PHACTR2: variants seen among roughly 807,000 people sequenced by gnomAD.
PHACTR2 encodes chromosome 6 open reading frame 56.
A neutral mutation model predicts 76.0 loss-of-function variants in PHACTR2; 30 were observed. The observed-to-expected ratio is 0.39, with a 90% confidence interval of 0.30 to 0.54. The LOEUF is 0.54. PHACTR2 is among the 20% of genes least tolerant of loss of function. The probability of loss-of-function intolerance (pLI) is 0.61; values close to 1 mark genes in which losing one functional copy is unlikely to be tolerated. For missense variants in PHACTR2, 696 were observed against 781.1 expected, an observed-to-expected ratio of 0.89 and a Z score of 1.30; for synonymous variants, 292 against 292.5, an observed-to-expected ratio of 1.00 and a Z score of 0.02.
rs1180154839 is a variant in PHACTR2, at chr6:143,761,044, AT to A, written c.694+405del. Among the ~76,000 whole-genome samples the A allele has an allele frequency of 6.6e-6, 1 of 152,206 alleles. No homozygotes were observed. The highest frequency in any genetic ancestry group is 1.5e-5 in the Non-Finnish European group (1 of 68,024). On this transcript the variant is annotated intron_variant, in intron 5 of 12. Coordinates refer to ENST00000440869, the MANE Select transcript of PHACTR2 (RefSeq NM_001100164.2). The surrounding 1 kb of genome is among the most constrained non-coding windows in gnomAD (Gnocchi z 5.2). Reference sequence around the variant, plus strand: ...CTTTCAAAATATCTAAGGTTTGCATATAAAAATGTGACAATTATAACTTTGA... The same window carrying A: ...CTTTCAAAATATCTAAGGTTTGCATAAAAAATGTGACAATTATAACTTTGA...
intron 2 of PHACTR2, among the ~76,000 whole-genome samples, chr6:143,723,428 G>A (rs146517170): frequency 1.5e-3 from 227 of 152,286 alleles, no homozygotes; most frequent in South Asian, 0.011. Context: ...AGAAGACAGC[G>A]TTCCTTCTGA....
Position 143,743,256 on chromosome 6 carries a change from G to A in PHACTR2, c.215-5729G>A, listed in dbSNP as rs1413976898. Among the ~76,000 whole-genome samples the A allele has an allele frequency of 6.6e-6, 1 of 152,210 alleles. No homozygotes were observed. Among genetic ancestry groups the A allele is most frequent in the East Asian group, 1.9e-4 (1 of 5,204 alleles). ...GGAGCTGAAGAACCGCAGATGTTTA[G>A]GAAATGGCAAGAAGTAAAGTTTGAC... On this transcript the variant is annotated intron_variant, in intron 2 of 12. Coordinates refer to ENST00000440869, the MANE Select transcript of PHACTR2 (RefSeq NM_001100164.2). This position sits in a 1 kb window ranked among gnomAD's most constrained non-coding sequence, Gnocchi z 5.0.
In PHACTR2 at chr6:143,771,144, G is replaced by GTATA. The variant is rs1185999309; in HGVS notation, c.1233-1104_1233-1101dup. 7.5e-4 allele frequency among the ~76,000 whole-genome samples: 23 copies of GTATA among 30,826 alleles called. 1 individual carries two copies. The highest frequency in any genetic ancestry group is 1.9e-3 in the African/African-American group (18 of 9,314). The allele number at this position is 30,826 out of a possible 152,430, so 20.2% of individuals were successfully genotyped here. A position where few individuals can be genotyped will look rare whatever the true frequency, so the allele number is the denominator to read the frequency against. ...ATATGTACTTTACATATATATATAT[G>GTATA]TATATATATATATGTATATATATAT... On this transcript the variant is annotated intron_variant, in intron 6 of 12. Transcript: ENST00000440869.
chr6:143,660,409 T>G (rs1776928443), intron 1 of PHACTR2, among the ~76,000 whole-genome samples: 2 of 152,180 alleles, frequency 1.3e-5, no homozygotes, highest in African/African-American at 4.8e-5. Context: ...ATCAGATCCA[T>G]GAGACATATT....
intron 1 of PHACTR2, among the ~76,000 whole-genome samples, chr6:143,609,084 T>A (rs754294367): frequency 2.2e-4 from 34 of 152,200 alleles, no homozygotes; most frequent in Admixed American, 1.3e-4. Context: ...ATTATCTGTC[T>A]CCTGAAGCTC....
In PHACTR2 at chr6:143,639,390, C is replaced by A. The variant is rs999221876; in HGVS notation, c.13+31068C>A. ...AAGGCTATCATTGCTCAAAACATTT[C>A]AAAAATTACTAAGTGAAAGCATATT... On this transcript the variant is annotated intron_variant, in intron 1 of 11. Transcript: ENST00000305766. This position sits in a 1 kb window ranked among gnomAD's most constrained non-coding sequence, Gnocchi z 5.0. Among the ~76,000 whole-genome samples, 1 of 152,118 alleles carries A rather than the reference C, an allele frequency of 6.6e-6. No homozygotes were observed.
Position 143,787,637 on chromosome 6 carries a change from G to C in PHACTR2, c.1708-1136G>C, listed in dbSNP as rs556155504. On this transcript the variant is annotated intron_variant, in intron 10 of 12. Coordinates refer to ENST00000440869, the MANE Select transcript of PHACTR2 (RefSeq NM_001100164.2). This position sits in a 1 kb window ranked among gnomAD's most constrained non-coding sequence, Gnocchi z 4.6. ...CAAAATAAGGAATATCTCTGGACAG[G>C]TGTTGTGGCTTATGCCTGTAACCCC... 2.0e-5 allele frequency among the ~76,000 whole-genome samples: 3 copies of C among 152,308 alleles called. No homozygotes were observed. Among genetic ancestry groups the C allele is most frequent in the Non-Finnish European group, 2.9e-5 (2 of 68,032 alleles).
At chr6:143,544,542 T>C (rs1029707218) in intron 1 of PHACTR2, among the ~76,000 whole-genome samples, 4 of 152,192 alleles carry the variant, frequency 2.6e-5, no homozygotes, top group African/African-American at 7.2e-5. Context: ...CAGTAACACA[T>C]AGCTCATAGG....
chr6:143,658,052 G>T lies in PHACTR2; in HGVS notation c.13+49730G>T, dbSNP rs3924970. 0.043 allele frequency among the ~76,000 whole-genome samples: 6,472 copies of T among 152,258 alleles called. 177 individuals are homozygous for T. Among genetic ancestry groups the T allele is most frequent in the Middle Eastern group, 0.082 (24 of 294 alleles). On this transcript the variant is annotated intron_variant, in intron 1 of 11. Coordinates refer to the PHACTR2 transcript ENST00000305766. The surrounding 1 kb of genome is among the most constrained non-coding windows in gnomAD (Gnocchi z 4.1). ...TTTACCCACTCTTCTGTTGAGGGAC[G>T]TTTGGCCTGTCCAGTTTGGGGCTAT... is the stretch of plus-strand genomic sequence containing the variant.
rs1168779696 is a variant in PHACTR2 at position 143,597,714 on chromosome 6, T to C, written c.217+60507T>C. Among the ~76,000 whole-genome samples the C allele has an allele frequency of 6.6e-6, 1 of 152,244 alleles. No homozygotes were observed. Among genetic ancestry groups the C allele is most frequent in the Non-Finnish European group, 1.5e-5 (1 of 68,040 alleles). On this transcript the variant is annotated intron_variant, in intron 1 of 11. Transcript: ENST00000367584. This position sits in a 1 kb window ranked among gnomAD's most constrained non-coding sequence, Gnocchi z 5.7. ...CTTTATTCAGCATTGACCTAAACAC[T>C]TCTTCCTTTAAGCCACTGAACATGC...
chr6:143,566,436 G>A (rs546929495), intron 1 of PHACTR2, among the ~76,000 whole-genome samples: 47 of 152,138 alleles, frequency 3.1e-4, no homozygotes, highest in Admixed American at 5.9e-4. Flanking sequence ...TGGGACTACA[G>A]GCACATGCCA....
Position 143,788,846 on chromosome 6 carries a change from C to T in PHACTR2, c.1781C>T (p.Thr594Met), listed in dbSNP as rs190212593. Residue 594 changes from threonine to methionine, a missense_variant, in exon 11 of 13, where the codon ACG becomes ATG. Thr to Met is a moderately conservative substitution (Grantham distance 81). This residue lies in a region of PHACTR2 where 236 missense variants were observed against 330.2 expected (regional missense o/e 0.71). Coordinates refer to ENST00000440869, the MANE Select transcript of PHACTR2 (RefSeq NM_001100164.2). ...CGATTTAACGAGTATGTAGAAGTCA[C>T]GGATTCTCCTGACTATGACCGCCGA... The part of the protein sequence containing the change: ...ILRFNEYVEV[T>M]DSPDYDRRAD... The T allele has an allele frequency of 1.1e-5, 17 of 1,613,520 alleles. No homozygotes were observed. Among genetic ancestry groups the T allele is most frequent in the Admixed American group, 1.0e-4 (6 of 60,014 alleles).
At chr6:143,714,413 T>G (rs748193670) in intron 2 of PHACTR2, among the ~76,000 whole-genome samples, 22 of 152,352 alleles carry the variant, frequency 1.4e-4, no homozygotes, top group Non-Finnish European at 2.9e-4. Context: ...AGATAGGATG[T>G]AACACTAATT....
intron 1 of PHACTR2, among the ~76,000 whole-genome samples, chr6:143,542,390 C>T (rs1330490561): frequency 6.6e-6 from 1 of 152,174 alleles, no homozygotes; most frequent in African/African-American, 2.4e-5. Flanking sequence ...GAGCTTGGCA[C>T]ATTTGAAAAA....
At chr6:143,600,688 T>A (rs1775804756) in intron 1 of PHACTR2, among the ~76,000 whole-genome samples, 1 of 152,260 alleles carries the variant, frequency 6.6e-6, no homozygotes, top group African/African-American at 2.4e-5. Context: ...TCTACCATGT[T>A]TATTTTCATA....
rs897354593 is a variant in PHACTR2, at chr6:143,599,177, A to G, written c.217+61970A>G. Among the ~76,000 whole-genome samples, 4 of 152,202 alleles carry G rather than the reference A, an allele frequency of 2.6e-5. No individual in the cohort carries two copies. The highest frequency in any genetic ancestry group is 7.2e-5 in the African/African-American group (3 of 41,456). On this transcript the variant is annotated intron_variant, in intron 1 of 11. Coordinates refer to the PHACTR2 transcript ENST00000367584. The surrounding 1 kb of genome is among the most constrained non-coding windows in gnomAD (Gnocchi z 4.6). ...TCCTGGATAAGGAGACAAAAGCAGA[A>G]TGGTGAAAAAGAATCATTCTCTCAA...
At chr6:143,729,171 C>A (rs993345840) in intron 2 of PHACTR2, among the ~76,000 whole-genome samples, 1 of 151,922 alleles carries the variant, frequency 6.6e-6, no homozygotes, top group Non-Finnish European at 1.5e-5. Context: ...AGGTCTTTTG[C>A]CTGTTTTTTA....
Position 143,772,396 on chromosome 6 carries a change from C to A in PHACTR2, c.1371C>A (p.Asp457Glu). Residue 457 changes from aspartate (D) to glutamate (E), a missense_variant, in exon 7 of 13, where the codon GAC (aspartate) becomes GAA (glutamate). Physicochemically the swap from Asp to Glu is conservative, Grantham distance 45 (BLOSUM62 2). This residue lies in a region of PHACTR2 where 236 missense variants were observed against 330.2 expected (regional missense o/e 0.71). Transcript: ENST00000440869. The surrounding 1 kb of genome is among the most constrained non-coding windows in gnomAD (Gnocchi z 5.4). ...REYQANDSDS[D>E]GPILYTDDED... The stretch of plus-strand genomic sequence containing the variant: ...ACCAAGCCAATGACTCTGACTCGGA[C>A]GGGCCTATCTTGTACACCGATGATG... The A allele has an allele frequency of 6.2e-7, 1 of 1,614,072 alleles. No homozygotes were observed.
Position 143,602,737 on chromosome 6 carries a change from G to C in PHACTR2, c.217+65530G>C, listed in dbSNP as rs1775825816. On this transcript the variant is annotated intron_variant, in intron 1 of 11. Transcript: ENST00000367584. This position sits in a 1 kb window ranked among gnomAD's most constrained non-coding sequence, Gnocchi z 6.1. ...ATTCACCAAACCACCTTGGCCAAAA[G>C]TCCAAACTTGTCGGAAGACTGTGTC... 6.6e-6 allele frequency among the ~76,000 whole-genome samples: 1 copy of C among 152,212 alleles called. No homozygotes were observed. The highest frequency in any genetic ancestry group is 1.5e-5 in the Non-Finnish European group (1 of 68,050).
Sources: allele counts gnomAD v4.1 joint callset (sites outside exome capture counted in the v4.1 genomes callset), GRCh38; gene constraint gnomAD v4.1.1; regional missense constraint gnomAD v4.1.1; non-coding constraint Gnocchi (gnomAD v3.1); transcripts MANE v1.5; gene names NCBI Gene and HGNC (gene_info 2026-07-23, HGNC 2026-07-21).